Variants in CADPS2 observed in about 807,000 individuals in gnomAD.
CADPS2 encodes the protein calcium dependent secretion activator 2, also known as calcium-dependent secretion activator 2.
A neutral mutation model predicts 172.5 loss-of-function variants in CADPS2; 93 were observed. The observed-to-expected ratio is 0.54, with a 90% CI of 0.46 to 0.64. The LOEUF is 0.64. CADPS2 is among the 30% of genes least tolerant of loss of function. CADPS2 has a pLI of 0.00. For missense variants in CADPS2, 1,420 were observed against 1,565.9 expected (o/e 0.91, Z 1.57); for synonymous variants, 546 against 555.2 (o/e 0.98, Z 0.23).
chr7:122,808,789 G>C (rs1464391445), intron 1 of CADPS2, among the ~76,000 whole-genome samples: 1 of 152,050 alleles, frequency 6.6e-6, no homozygotes, highest in African/African-American at 2.4e-5. Flanking sequence ...TTGGTCCTAG[G>C]AATGCTCACT....
intron 1 of CADPS2, among the ~76,000 whole-genome samples, chr7:122,767,319 A>T (rs2093584609): frequency 6.6e-6 from 1 of 152,286 alleles, no homozygotes; most frequent in South Asian, 2.1e-4. Context: ...TAAAGGTGAG[A>T]ACACATTTCA....
At chr7:122,404,215 TC>T (rs1313422267) in intron 20 of CADPS2, among the ~76,000 whole-genome samples, 1 of 152,112 alleles carries the variant, frequency 6.6e-6, no homozygotes, top group Non-Finnish European at 1.5e-5. Context: ...ATTGTTCAAT[TC>T]CCACCTATCA....
At chr7:122,407,258 T>A (rs2046763189) in intron 20 of CADPS2, among the ~76,000 whole-genome samples, 1 of 152,140 alleles carries the variant, frequency 6.6e-6, no homozygotes, top group Non-Finnish European at 1.5e-5. Context: ...TTCAGATTCA[T>A]AAGGTACAAT....
chr7:122,425,506 G>A (rs2049052920), intron 17 of CADPS2, among the ~76,000 whole-genome samples: 2 of 151,944 alleles, frequency 1.3e-5, no homozygotes, highest in African/African-American at 4.8e-5. Flanking sequence ...GGAAGCTGAG[G>A]GTGGAGGATC....
chr7:122,385,696 C>T (rs2043565934), intron 24 of CADPS2, among the ~76,000 whole-genome samples: 1 of 152,034 alleles, frequency 6.6e-6, no homozygotes, highest in Admixed American at 6.6e-5. Flanking sequence ...TCTCATGACA[C>T]AGGCCTGCCT....
At chr7:122,806,382 T>C (rs1159558828) in intron 1 of CADPS2, among the ~76,000 whole-genome samples, 3 of 152,304 alleles carry the variant, frequency 2.0e-5, no homozygotes, top group African/African-American at 4.8e-5. Context: ...AAAACAAATC[T>C]AACGAAATGT....
At chr7:122,612,611 C>T (rs1418919457) in intron 6 of CADPS2, among the ~76,000 whole-genome samples, 1 of 151,994 alleles carries the variant, frequency 6.6e-6, no homozygotes, top group African/African-American at 2.4e-5. Flanking sequence ...TGGCAGTATG[C>T]TCCAAATTGA....
At chr7:122,481,870 G>C (rs2057339889) in intron 11 of CADPS2, among the ~76,000 whole-genome samples, 1 of 151,968 alleles carries the variant, frequency 6.6e-6, no homozygotes, top group Non-Finnish European at 1.5e-5. Flanking sequence ...AATTAGGTGG[G>C]TGTGGTGGCA....
At chr7:122,842,487 T>G (rs1252329477) in intron 1 of CADPS2, among the ~76,000 whole-genome samples, 1 of 152,130 alleles carries the variant, frequency 6.6e-6, no homozygotes, top group Non-Finnish European at 1.5e-5. Flanking sequence ...TATTTCCTCT[T>G]TAACCACCAC....
intron 1 of CADPS2, among the ~76,000 whole-genome samples, chr7:122,858,260 C>T (rs1815887560): frequency 6.6e-6 from 1 of 152,104 alleles, no homozygotes; most frequent in Non-Finnish European, 1.5e-5. Context: ...GTCCAGCTGG[C>T]TTCACCTCTC....
At chr7:122,774,504 T>C (rs1470761241) in intron 1 of CADPS2, among the ~76,000 whole-genome samples, 1 of 152,132 alleles carries the variant, frequency 6.6e-6, no homozygotes, top group African/African-American at 2.4e-5. Context: ...AATTCTTCCT[T>C]CATTTATTTT....
In CADPS2 at chr7:122,701,531, G is replaced by A. The variant is rs551178641; in HGVS notation, c.453+35424C>T. ...GGTGCAGCACACCAACATGGCACAT[G>A]TATACATATGTAACTAACCTGCACG... is the stretch of plus-strand genomic sequence containing the variant. On this transcript the variant is annotated intron_variant, in intron 2 of 29. Coordinates refer to ENST00000449022, the MANE Select transcript of CADPS2 (RefSeq NM_017954.11). 234 of 168,120 alleles carry A rather than the reference G, an allele frequency of 1.4e-3. 4 individuals carry two copies. The South Asian group carries it at 0.038, about 28-fold the overall frequency. The allele number at this position is 168,120 out of a possible 1,614,324, so 10.4% of individuals were successfully genotyped here.
At chr7:122,645,681 A>ATATATATATATATATATC (rs796988558) in intron 3 of CADPS2, among the ~76,000 whole-genome samples, 1 of 116,820 alleles carries the variant, frequency 8.6e-6, no homozygotes, top group Admixed American at 9.3e-5. Context: ...ATATATATAT[A>ATATATATATATATATATC]TCTTGGGATT....
chr7:122,588,297 G>A (rs1429358970), intron 6 of CADPS2, among the ~76,000 whole-genome samples: 2 of 151,504 alleles, frequency 1.3e-5, no homozygotes, highest in East Asian at 2.0e-4. Flanking sequence ...AAATGGTATT[G>A]CCTACATTTT....
At chr7:122,743,681 T>G (rs1345661815) in intron 1 of CADPS2, among the ~76,000 whole-genome samples, 1 of 152,156 alleles carries the variant, frequency 6.6e-6, no homozygotes, top group African/African-American at 2.4e-5. Flanking sequence ...TAGGCACAGA[T>G]GTTTCTTAAA....
At chr7:122,596,092 G>A (rs1267027429) in intron 6 of CADPS2, among the ~76,000 whole-genome samples, 2 of 152,058 alleles carry the variant, frequency 1.3e-5, no homozygotes, top group Non-Finnish European at 2.9e-5. Context: ...TGCTGCTGCT[G>A]GTTCCTGTGA....
chr7:122,875,464 A>C (rs1013085170), intron 1 of CADPS2, among the ~76,000 whole-genome samples: 1 of 152,194 alleles, frequency 6.6e-6, no homozygotes, highest in Admixed American at 6.5e-5. Context: ...TAGTCAAAGA[A>C]GACAAAAATA....
At chr7:122,715,824 C>T (rs566464160) in intron 2 of CADPS2, among the ~76,000 whole-genome samples, 1 of 152,138 alleles carries the variant, frequency 6.6e-6, no homozygotes, top group South Asian at 2.1e-4. Context: ...TAAAGTCATC[C>T]ACCCTGACAC....
At chr7:122,440,714 A>C (rs567828576) in intron 16 of CADPS2, among the ~76,000 whole-genome samples, 1 of 152,290 alleles carries the variant, frequency 6.6e-6, no homozygotes, top group South Asian at 2.1e-4. Context: ...GAAAATGGAC[A>C]AGATCAAGTG....
Sources: gnomAD v4.1 joint callset for allele counts (sites outside exome capture counted in the v4.1 genomes callset) on GRCh38, gnomAD v4.1.1 for gene constraint, MANE v1.5 for transcripts, NCBI Gene and HGNC (gene_info 2026-07-23, HGNC 2026-07-21) for gene names.